Variants in VIL1 observed in about 807,000 individuals in gnomAD.
The protein encoded by VIL1 is villin-1.
Under a neutral mutation model 104.0 loss-of-function variants are expected in VIL1, and 86 were observed. The ratio of observed to expected loss-of-function variants is 0.83; its 90% CI spans 0.69 to 0.99. VIL1 has a LOEUF of 0.99. Among genes scored for constraint, VIL1 ranks in the 50% least tolerant of loss-of-function variants. The pLI, the probability that VIL1 is intolerant of heterozygous loss-of-function variation, is 0.00. For missense variants in VIL1, 944 were observed against 1,054.1 expected (o/e 0.90, Z 1.45); for synonymous variants, 394 against 412.6 (o/e 0.95, Z 0.55).
intron 19 of VIL1, among the ~76,000 whole-genome samples, chr2:218,448,733 G>A (rs948397852): frequency 1.3e-5 from 2 of 151,988 alleles, no homozygotes; most frequent in Non-Finnish European, 2.9e-5. Flanking sequence ...GGCCAGGTGT[G>A]CTGGCTCACA....
intron 2 of VIL1, 91 bp downstream of exon 2, chr2:218,423,944 C>T: frequency 6.9e-7 from 1 of 1,451,262 alleles, no homozygotes; most frequent in South Asian, 1.2e-5. Context: ...TCTTCGTTTC[C>T]TCTGCTCCTG....
chr2:218,448,152 C>T (rs542537968), intron 19 of VIL1, among the ~76,000 whole-genome samples: 11 of 151,548 alleles, frequency 7.3e-5, no homozygotes, highest in African/African-American at 2.4e-4. Flanking sequence ...CCCAGCTACT[C>T]GGGAGGCTGA....
intron 10 of VIL1, 106 bp downstream of exon 10, chr2:218,430,984 A>G: frequency 7.0e-7 from 1 of 1,434,264 alleles, no homozygotes; most frequent in South Asian, 1.3e-5. Context: ...ATCTTCAACG[A>G]AGACTTTTAC....
chr2:218,447,040 A>C (rs1689375453), intron 19 of VIL1, among the ~76,000 whole-genome samples: 1 of 152,178 alleles, frequency 6.6e-6, no homozygotes, highest in South Asian at 2.1e-4. Flanking sequence ...TTGGGATTAC[A>C]GGTGTGAGCC....
rs1228997555 is a variant in VIL1, at chr2:218,434,102, CA to C, written c.1501-423del. On this transcript the variant is annotated intron_variant, in intron 13 of 19. Transcript: ENST00000248444. ...ATCCCAGCTACCCAGGAGGCTGAGG[CA>C]GGAGAATTGCTTGAACCCAGGAGGC... Among the ~76,000 whole-genome samples the C allele has an allele frequency of 3.3e-5, 5 of 149,726 alleles. No individual in the cohort carries two copies. The South Asian group carries it at 6.3e-4, about 19-fold the overall frequency.
At chr2:218,430,235 A>C (rs535116645) in intron 9 of VIL1, among the ~76,000 whole-genome samples, 14 of 152,146 alleles carry the variant, frequency 9.2e-5, no homozygotes, top group Non-Finnish European at 1.8e-4. Context: ...ACCTGAGCTG[A>C]GTTTGGAGAA....
chr2:218,424,497 G>A lies in VIL1; in HGVS notation c.150+146G>A, dbSNP rs766172374. Reference sequence around the variant, plus strand: ...TGGGTATGCCCAAGTGCCCAACCCTGTGGGGGCTTCACAGAGGTCAGAGGC... The same window carrying A: ...TGGGTATGCCCAAGTGCCCAACCCTATGGGGGCTTCACAGAGGTCAGAGGC... On this transcript the variant is annotated intron_variant, in intron 3 of 19. Transcript: ENST00000248444. 2.7e-5 allele frequency: 22 copies of A among 800,110 alleles called. No homozygotes were observed. The South Asian group carries it at 3.3e-4, about 12-fold the overall frequency. The allele number at this position is 800,110 out of a possible 1,614,324, so 49.6% of individuals were successfully genotyped here. A position where few individuals can be genotyped will look rare whatever the true frequency, so the allele number is the denominator to read the frequency against.
intron 18 of VIL1, among the ~76,000 whole-genome samples, chr2:218,440,022 T>C (rs1689261079): frequency 6.6e-6 from 1 of 152,020 alleles, no homozygotes; most frequent in Admixed American, 6.6e-5. Context: ...AATCAACAGA[T>C]GGTCAAAACC....
At position 218,449,372 on chromosome 2, in the gene VIL1, C is replaced by G. The variant is rs774283139; in HGVS notation, c.*36C>G. On this transcript the variant is annotated 3_prime_UTR_variant, in exon 20 of 20. Transcript: ENST00000248444. ...TGTGGTTGTAAAGCAGTACCCTACC[C>G]TGATTGTAGGGTCTCATTTTCTCAC... The G allele has an allele frequency of 6.7e-7, 1 of 1,492,486 alleles. No homozygotes were observed. Among genetic ancestry groups the G allele is most frequent in the Non-Finnish European group, 9.3e-7 (1 of 1,069,882 alleles). The allele number at this position is 1,492,486 out of a possible 1,614,324, so 92.5% of individuals were successfully genotyped here. A position where few individuals can be genotyped will look rare whatever the true frequency, so the allele number is the denominator to read the frequency against.
chr2:218,427,884 G>A lies in VIL1; in HGVS notation c.348-81G>A, dbSNP rs538572875. 9 of 1,369,444 alleles carry A rather than the reference G, an allele frequency of 6.6e-6. No individual in the cohort carries two copies. In the East Asian group the frequency reaches 9.2e-5, roughly 14 times the overall value. 84.8% of individuals were successfully genotyped at this position (1,369,444 alleles called of 1,614,324 possible). On this transcript the variant is annotated intron_variant, in intron 4 of 19. Coordinates refer to ENST00000248444, the MANE Select transcript of VIL1 (RefSeq NM_007127.3). ...ACCCTGGCCCTCACGTGACCCCAGC[G>A]TGGCAGCCAGGACCTGGGAGAACAG...
Position 218,440,588 on chromosome 2 carries a change from G to A in VIL1, c.2230-134G>A, listed in dbSNP as rs535844635. The A allele has an allele frequency of 5.8e-6, 6 of 1,034,246 alleles. No individual in the cohort carries two copies. The South Asian group carries it at 6.0e-5, about 10-fold the overall frequency. 64.1% of individuals were successfully genotyped at this position (1,034,246 alleles called of 1,614,324 possible). ...CCCAGCCTATGTTGTTCTTATGAGT[G>A]TGTGTGTGGCAGGGTGGGGTGGGAC... On this transcript the variant is annotated intron_variant, in intron 18 of 19. Coordinates refer to ENST00000248444, the MANE Select transcript of VIL1 (RefSeq NM_007127.3).
intron 15 of VIL1, among the ~76,000 whole-genome samples, chr2:218,436,043 TG>T (rs1256897346): frequency 1.5e-4 from 23 of 152,288 alleles, no homozygotes; most frequent in African/African-American, 5.5e-4. Context: ...TTCACCATGT[TG>T]GCCAGGCTGG....
At chr2:218,421,035 G>A (rs1688893477) in intron 1 of VIL1, among the ~76,000 whole-genome samples, 4 of 152,146 alleles carry the variant, frequency 2.6e-5, no homozygotes, top group Admixed American at 2.0e-4. Context: ...GACAGTCCAG[G>A]ATGCAGAGGG....
At chr2:218,447,617 G>C (rs561051234) in intron 19 of VIL1, among the ~76,000 whole-genome samples, 2 of 152,202 alleles carry the variant, frequency 1.3e-5, no homozygotes, top group East Asian at 3.9e-4. Context: ...ACCACACCTG[G>C]CCCTAATAAA....
chr2:218,450,290 A>C lies in VIL1; in HGVS notation c.*954A>C, dbSNP rs1198466850. 1 of 152,424 alleles carries C rather than the reference A, an allele frequency of 6.6e-6. No individual in the cohort carries two copies. The highest frequency in any genetic ancestry group is 2.4e-5 in the African/African-American group (1 of 41,444). The allele number at this position is 152,424 out of a possible 1,614,324, so 9.4% of individuals were successfully genotyped here. ...GCTTTAATTTCATACACACAAAAAAACTCTATGCATAATTTAAAAAGGAAA... is the reference window on the plus strand; with the variant it reads ...GCTTTAATTTCATACACACAAAAAACCTCTATGCATAATTTAAAAAGGAAA... On this transcript the variant is annotated 3_prime_UTR_variant, in exon 20 of 20. Transcript: ENST00000248444.
chr2:218,429,129 T>G (rs1400611660), intron 6 of VIL1, among the ~76,000 whole-genome samples, 156 bp from the exon 7 acceptor site: 1 of 152,160 alleles, frequency 6.6e-6, no homozygotes, highest in Non-Finnish European at 1.5e-5. Context: ...TTACATGCCT[T>G]AAAAGCTTGA....
Position 218,432,781 on chromosome 2 carries a change from G to C in VIL1, c.1342-12G>C, listed in dbSNP as rs1368058404. The C allele has an allele frequency of 7.4e-6, 12 of 1,613,714 alleles. No homozygotes were observed. The highest frequency in any genetic ancestry group is 2.7e-5 in the African/African-American group (2 of 74,902). Reference sequence around the variant, plus strand: ...GACCCAATCCCACTCACTCCCTCCTGCTCATCCCCAGGGCAGCCAGGCCAG... The same window carrying C: ...GACCCAATCCCACTCACTCCCTCCTCCTCATCCCCAGGGCAGCCAGGCCAG... On this transcript the variant is annotated splice_polypyrimidine_tract_variant and intron_variant, in intron 12 of 19. Transcript: ENST00000248444.
intron 15 of VIL1, among the ~76,000 whole-genome samples, chr2:218,435,664 G>C (rs530041647): frequency 1.3e-5 from 2 of 152,304 alleles, no homozygotes; most frequent in South Asian, 4.1e-4. Flanking sequence ...AGGACCTGGT[G>C]GGGTATTTCC....
At chr2:218,421,866 G>T (rs897787829) in intron 1 of VIL1, among the ~76,000 whole-genome samples, 2 of 152,202 alleles carry the variant, frequency 1.3e-5, no homozygotes, top group African/African-American at 4.8e-5. Context: ...AGGCTTTAGA[G>T]ATCATCGATT....
Sources: allele counts gnomAD v4.1 joint callset (sites outside exome capture counted in the v4.1 genomes callset), GRCh38; gene constraint gnomAD v4.1.1; transcripts MANE v1.5; gene names NCBI Gene and HGNC (gene_info 2026-07-23, HGNC 2026-07-21).